Variants in NKAIN2 observed in about 807,000 individuals in gnomAD.
NKAIN2 encodes the protein sodium/potassium transporting ATPase interacting 2, also known as sodium/potassium-transporting ATPase subunit beta-1-interacting protein 2.
NKAIN2 carries 14 observed loss-of-function variants against 32.6 expected under a neutral mutation model. That is an observed-to-expected ratio of 0.43 (90% CI 0.28 to 0.67). The LOEUF is 0.67. Ranked by LOEUF, NKAIN2 falls within the 30% of genes least tolerant of loss-of-function variation. The pLI, the probability that NKAIN2 is intolerant of heterozygous loss-of-function variation, is 0.17. For missense variants in NKAIN2, 198 were observed against 258.3 expected (o/e 0.77, Z 1.60); for synonymous variants, 80 against 87.2 (o/e 0.92, Z 0.46).
intron 1 of NKAIN2, among the ~76,000 whole-genome samples, chr6:124,080,061 T>C (rs1354208398): frequency 3.9e-5 from 6 of 152,010 alleles, no homozygotes; most frequent in African/African-American, 7.2e-5. Context: ...GTGTGAAATA[T>C]AGATTAACGC....
At chr6:123,855,587 A>G (rs1277717332) in intron 1 of NKAIN2, among the ~76,000 whole-genome samples, 1 of 152,152 alleles carries the variant, frequency 6.6e-6, no homozygotes, top group Non-Finnish European at 1.5e-5. Flanking sequence ...TTGCCAGACT[A>G]TTATAGACCA....
intron 1 of NKAIN2, among the ~76,000 whole-genome samples, chr6:124,268,939 C>A (rs1794625036): frequency 6.6e-6 from 1 of 151,952 alleles, no homozygotes; most frequent in African/African-American, 2.4e-5. Context: ...TATACTGTTG[C>A]CTACTTCATT....
chr6:123,962,298 T>C (rs989128673), intron 1 of NKAIN2, among the ~76,000 whole-genome samples: 1 of 152,174 alleles, frequency 6.6e-6, no homozygotes, highest in Non-Finnish European at 1.5e-5. Context: ...ATCAGCAATC[T>C]AGAATCAGTG....
chr6:123,846,819 G>A (rs1250440843), intron 1 of NKAIN2, among the ~76,000 whole-genome samples: 7 of 142,316 alleles, frequency 4.9e-5, no homozygotes, highest in Non-Finnish European at 7.7e-5. Context: ...CACCCCCCAC[G>A]CCACCGCCAC....
intron 4 of NKAIN2, among the ~76,000 whole-genome samples, chr6:124,692,248 T>A (rs960748972): frequency 6.6e-6 from 1 of 152,190 alleles, no homozygotes; most frequent in Admixed American, 6.5e-5. Flanking sequence ...AAAAGTAGGA[T>A]GGAAGTAATA....
intron 6 of NKAIN2, among the ~76,000 whole-genome samples, chr6:124,822,947 C>T (rs1781451879): frequency 6.6e-6 from 1 of 152,140 alleles, no homozygotes; most frequent in Non-Finnish European, 1.5e-5. Flanking sequence ...GTAAACATTG[C>T]ATTCTTTTTG....
At chr6:124,375,469 GAATTGAT>G (rs1463487437) in intron 3 of NKAIN2, among the ~76,000 whole-genome samples, 1 of 121,094 alleles carries the variant, frequency 8.3e-6, no homozygotes, top group East Asian at 2.7e-4. Context: ...ATAAACTAAT[GAATTGAT>G]AATGCGTCAA....
intron 1 of NKAIN2, among the ~76,000 whole-genome samples, chr6:124,017,647 A>C (rs545289612): frequency 4.0e-4 from 61 of 152,138 alleles, no homozygotes; most frequent in Non-Finnish European, 7.2e-4. Context: ...CCAGTGGGGC[A>C]GTCAAATCTT....
At position 124,201,952 on chromosome 6, in the gene NKAIN2, G is replaced by A. The variant is rs749706060; in HGVS notation, c.55-81053G>A. On this transcript the variant is annotated intron_variant, in intron 1 of 6. Coordinates refer to ENST00000368417, the MANE Select transcript of NKAIN2 (RefSeq NM_001040214.3). ...TGCACAGATTTCTATTAACGTTTGA[G>A]CTTTCAAAAGCATATTTCATGTTTG... Among the ~76,000 whole-genome samples the A allele has an allele frequency of 3.5e-4, 53 of 151,984 alleles. 1 individual carries two copies. Among genetic ancestry groups the A allele is most frequent in the Admixed American group, 7.2e-4 (11 of 15,232 alleles).
At chr6:124,001,005 C>T (rs944359391) in intron 1 of NKAIN2, among the ~76,000 whole-genome samples, 1 of 152,074 alleles carries the variant, frequency 6.6e-6, no homozygotes, top group East Asian at 1.9e-4. Flanking sequence ...CACCACAAAG[C>T]TTGACACATA....
intron 1 of NKAIN2, among the ~76,000 whole-genome samples, chr6:124,271,206 C>T (rs575782043): frequency 2.2e-3 from 339 of 152,210 alleles, no homozygotes; most frequent in African/African-American, 7.8e-3. Context: ...GAATTGTGAG[C>T]CAATTAAACC....
chr6:124,776,197 A>G (rs1310244292), intron 4 of NKAIN2, among the ~76,000 whole-genome samples: 1 of 152,206 alleles, frequency 6.6e-6, no homozygotes, highest in Non-Finnish European at 1.5e-5. Context: ...TTGGTTATTC[A>G]TTAAGTCTCC....
chr6:124,664,610 C>T (rs1276659481), intron 4 of NKAIN2, among the ~76,000 whole-genome samples: 2 of 149,882 alleles, frequency 1.3e-5, no homozygotes, highest in Non-Finnish European at 3.0e-5. Context: ...CCGGCTAAAA[C>T]GGTGAAACCC....
chr6:124,713,809 C>T (rs1285286834), intron 4 of NKAIN2, among the ~76,000 whole-genome samples: 1 of 152,156 alleles, frequency 6.6e-6, no homozygotes, highest in African/African-American at 2.4e-5. Flanking sequence ...ATTATCAGAA[C>T]TATCCCAAAA....
intron 4 of NKAIN2, among the ~76,000 whole-genome samples, chr6:124,729,238 A>T (rs1216308143): frequency 3.3e-4 from 49 of 147,188 alleles, no homozygotes; most frequent in Non-Finnish European, 5.2e-4. Context: ...TACCAAAGCC[A>T]GGCAGAGACA....
chr6:124,648,353 C>T (rs1052308727), intron 3 of NKAIN2, among the ~76,000 whole-genome samples: 4 of 152,112 alleles, frequency 2.6e-5, no homozygotes, highest in Non-Finnish European at 5.9e-5. Flanking sequence ...TTGAGAAAGA[C>T]ATTCCTGAGT....
intron 1 of NKAIN2, among the ~76,000 whole-genome samples, chr6:124,099,969 T>G (rs173067): frequency 0.72 from 108,904 of 152,114 alleles, 39,254 homozygotes; most frequent in African/African-American, 0.8. Flanking sequence ...CAGCATTACT[T>G]CCTTGTAGGA....
intron 1 of NKAIN2, among the ~76,000 whole-genome samples, chr6:124,078,206 A>G (rs959043420): frequency 1.3e-5 from 2 of 152,156 alleles, no homozygotes; most frequent in Non-Finnish European, 2.9e-5. Context: ...TCATTTCCAT[A>G]TGTAATGTAG....
chr6:124,210,853 G>T (rs538414327), intron 1 of NKAIN2, among the ~76,000 whole-genome samples: 22 of 151,400 alleles, frequency 1.5e-4, no homozygotes, highest in African/African-American at 3.9e-4. Flanking sequence ...GTGTCTTTAG[G>T]TTTGTCTAAA....
Sources: gnomAD v4.1 joint callset for allele counts (sites outside exome capture counted in the v4.1 genomes callset) on GRCh38, gnomAD v4.1.1 for gene constraint, MANE v1.5 for transcripts, NCBI Gene and HGNC (gene_info 2026-07-23, HGNC 2026-07-21) for gene names.